Variants in SPART observed in about 807,000 individuals in gnomAD.
SPART encodes spastic paraplegia 20 (Troyer syndrome).
Under a neutral mutation model 58.7 loss-of-function variants are expected in SPART, and 35 were observed. The ratio of observed to expected loss-of-function variants is 0.60; its 90% CI spans 0.46 to 0.79. The LOEUF (loss-of-function observed/expected upper bound fraction) is 0.79. Ranked by LOEUF, SPART falls within the 30% of genes least tolerant of loss-of-function variation. The pLI is 0.00. For synonymous variants in SPART, 284 were observed against 280.7 expected, an observed-to-expected ratio of 1.01 and a Z score of -0.12; for missense variants, 730 against 786.1, an observed-to-expected ratio of 0.93 and a Z score of 0.85.
intron 4 of SPART, among the ~76,000 whole-genome samples, chr13:36,327,742 C>G (rs935145805): frequency 3.3e-5 from 5 of 152,142 alleles, no homozygotes; most frequent in Non-Finnish European, 7.4e-5. Context: ...AATCCCAGCA[C>G]TTTGGGAGGC....
At chr13:36,346,193 AC>A (rs1248716905) in intron 1 of SPART, 31 bp downstream of exon 1, 2 of 95,734 alleles carry the variant, frequency 2.1e-5, no homozygotes, top group East Asian at 6.8e-4. Flanking sequence ...CACCCAAGGG[AC>A]CGCGCAGGGG....
intron 1 of SPART, among the ~76,000 whole-genome samples, chr13:36,353,760 T>C (rs908727709): frequency 2.0e-5 from 3 of 152,178 alleles, no homozygotes; most frequent in African/African-American, 4.8e-5. Context: ...TGTTTGACCA[T>C]TTTTTTGTGG....
chr13:36,368,171 A>G (rs1330910042), intron 1 of SPART: 1 of 458,482 alleles, frequency 2.2e-6, no homozygotes, highest in Non-Finnish European at 4.5e-6. Context: ...AAATTCTTTC[A>G]TTTACTCATT....
At chr13:36,358,551 G>C (rs2137712202) in intron 1 of SPART, among the ~76,000 whole-genome samples, 1 of 152,190 alleles carries the variant, frequency 6.6e-6, no homozygotes, top group Middle Eastern at 3.4e-3. Context: ...GACACAAGTA[G>C]GTCTTGAGAA....
intron 1 of SPART, among the ~76,000 whole-genome samples, chr13:36,358,762 C>T (rs970590027): frequency 2.0e-5 from 3 of 152,124 alleles, no homozygotes; most frequent in East Asian, 3.9e-4. Context: ...CTAAGAAAAT[C>T]GTATTTTAAG....
chr13:36,351,049 C>T (rs1293631949), upstream of SPART, among the ~76,000 whole-genome samples: 1 of 152,116 alleles, frequency 6.6e-6, no homozygotes, highest in Non-Finnish European at 1.5e-5. Context: ...AGTTTGAAGC[C>T]ACCTTCATCT....
chr13:36,323,077 G>A (rs1033956948), intron 5 of SPART, among the ~76,000 whole-genome samples: 4 of 152,076 alleles, frequency 2.6e-5, no homozygotes, highest in African/African-American at 9.7e-5. Flanking sequence ...AGTTGCCTCC[G>A]TTCTGCTCAC....
chr13:36,335,757 A>T lies in SPART; in HGVS notation c.74T>A (p.Leu25Ter). Residue 25 changes from leucine (L) to a stop codon, truncating the protein, a stop_gained, in exon 2 of 9, where the codon TTA becomes TAA. Coordinates refer to ENST00000438666, the MANE Select transcript of SPART (RefSeq NM_015087.5). LOFTEE classifies it high-confidence loss of function. ...TGTATTCAGACCTTTGTTAACAAAT[A>T]AAAAGGCCTTCTTATATGCTTCTCT... is the stretch of plus-strand genomic sequence containing the variant. ...IIREAYKKAF[L>*]FVNKGLNTDE... is the part of the protein sequence containing the mutation. The T allele has an allele frequency of 6.2e-7, 1 of 1,614,032 alleles. No homozygotes were observed. The highest frequency in any genetic ancestry group is 8.5e-7 in the Non-Finnish European group (1 of 1,179,978).
chr13:36,314,771 A>G (rs1054155047), intron 5 of SPART, among the ~76,000 whole-genome samples: 1 of 152,176 alleles, frequency 6.6e-6, no homozygotes, highest in Non-Finnish European at 1.5e-5. Flanking sequence ...ATTAAGATAG[A>G]ATTTGGCCAA....
Position 36,303,592 on chromosome 13 carries a change from G to A in SPART, c.*773C>T, listed in dbSNP as rs939303773. On this transcript the variant is annotated 3_prime_UTR_variant, in exon 9 of 9. Coordinates refer to ENST00000438666, the MANE Select transcript of SPART (RefSeq NM_015087.5). Reference sequence around the variant, plus strand: ...CTTTTGGAAAAACAGAAGCAGATATGATAAAATAATTTCTTGAAGTACTTT... The same window carrying A: ...CTTTTGGAAAAACAGAAGCAGATATAATAAAATAATTTCTTGAAGTACTTT... The A allele has an allele frequency of 7.9e-5, 12 of 152,010 alleles. No individual in the cohort carries two copies. The highest frequency in any genetic ancestry group is 2.7e-4 in the African/African-American group (11 of 41,410). The allele number at this position is 152,010 out of a possible 1,614,324, so 9.4% of individuals were successfully genotyped here. A position where few individuals can be genotyped will look rare whatever the true frequency, so the allele number is the denominator to read the frequency against.
chr13:36,324,695 G>C (rs1882735275), intron 5 of SPART, among the ~76,000 whole-genome samples: 1 of 152,204 alleles, frequency 6.6e-6, no homozygotes, highest in African/African-American at 2.4e-5. Flanking sequence ...TTGCGTGCAT[G>C]TGAAGAGACC....
intron 2 of SPART, among the ~76,000 whole-genome samples, chr13:36,333,595 CAT>C (rs946699773): frequency 1.9e-4 from 29 of 151,978 alleles, no homozygotes; most frequent in African/African-American, 5.1e-4. Context: ...AAAAAATACA[CAT>C]GAGAAAGATT....
upstream of SPART, among the ~76,000 whole-genome samples, chr13:36,347,554 T>A (rs1362218651): frequency 6.6e-6 from 1 of 152,084 alleles, no homozygotes; most frequent in Admixed American, 6.5e-5. Flanking sequence ...CGCCTGGCCT[T>A]AGGACCAGTT....
At chr13:36,322,815 T>A (rs1424386693) in intron 5 of SPART, among the ~76,000 whole-genome samples, 1 of 152,224 alleles carries the variant, frequency 6.6e-6, no homozygotes, top group Non-Finnish European at 1.5e-5. Flanking sequence ...ATTGAATATA[T>A]GATTGCTCTT....
rs533847438 is a variant in SPART, at chr13:36,365,576, A to G, written c.-3+4513T>C. ...CCTATTGATACCTACCCACTTCTCT[A>G]TGGAGCACAGATGAAGGATATTGGT... is the stretch of plus-strand genomic sequence containing the variant. On this transcript the variant is annotated intron_variant, in intron 1 of 8. Transcript: ENST00000355182. 2.6e-3 allele frequency: 1,234 copies of G among 467,958 alleles called. 1 individual carries two copies. The highest frequency in any genetic ancestry group is 3.3e-3 in the Non-Finnish European group (737 of 226,096). 29.0% of individuals were successfully genotyped at this position (467,958 alleles called of 1,614,324 possible). A position where few individuals can be genotyped will look rare whatever the true frequency, so the allele number is the denominator to read the frequency against.
Position 36,303,825 on chromosome 13 carries a change from C to A in SPART, c.*540G>T. 2 of 154,172 alleles carry A rather than the reference C, an allele frequency of 1.3e-5. No homozygotes were observed. The highest frequency in any genetic ancestry group is 6.4e-5 in the Admixed American group (1 of 15,516). The allele number at this position is 154,172 out of a possible 1,614,324, so 9.6% of individuals were successfully genotyped here. A position where few individuals can be genotyped will look rare whatever the true frequency, so the allele number is the denominator to read the frequency against. On this transcript the variant is annotated 3_prime_UTR_variant, in exon 9 of 9. Coordinates refer to ENST00000438666, the MANE Select transcript of SPART (RefSeq NM_015087.5). ...CCATTTTACTTTTCATCAGTCTTTC[C>A]CTGTTTTGAACAAGTTTTTTTGAGA...
chr13:36,369,555 T>C (rs913272696), intron 1 of SPART: 1 of 152,108 alleles, frequency 6.6e-6, no homozygotes, highest in Non-Finnish European at 1.5e-5. Context: ...CCCAAGAAAA[T>C]ACAGGAAGAT....
chr13:36,352,786 C>CAAAAAAAAA (rs34599910), intron 1 of SPART, among the ~76,000 whole-genome samples: 7 of 113,378 alleles, frequency 6.2e-5, no homozygotes, highest in African/African-American at 2.5e-4. Flanking sequence ...ATCCCGTTTC[C>CAAAAAAAAA]AAAAAAAAAA....
chr13:36,349,346 C>T (rs1254686836), upstream of SPART, among the ~76,000 whole-genome samples: 2 of 152,206 alleles, frequency 1.3e-5, no homozygotes, highest in Non-Finnish European at 2.9e-5. Flanking sequence ...GAAGCTTCCA[C>T]GTATGGTTAA....
Sources: gnomAD v4.1 joint callset for allele counts (sites outside exome capture counted in the v4.1 genomes callset) on GRCh38, gnomAD v4.1.1 for gene constraint, MANE v1.5 for transcripts, NCBI Gene and HGNC (gene_info 2026-07-23, HGNC 2026-07-21) for gene names.